Variants in DSCAM observed in about 807,000 individuals in gnomAD.
DSCAM encodes DS cell adhesion molecule.
DSCAM carries 47 observed loss-of-function variants against 217.7 expected under a neutral mutation model. That is an observed-to-expected ratio of 0.22 (90% CI 0.17 to 0.28). The LOEUF is 0.28. Ranked by LOEUF, DSCAM falls within the 10% of genes least tolerant of loss-of-function variation. The pLI is 1.00. For synonymous variants in DSCAM, 1,056 were observed against 1,015.3 expected (o/e 1.04, Z -0.76); for missense variants, 2,080 against 2,618.3 (o/e 0.79, Z 4.49).
chr21:40,382,384 G>A (rs1235433118), intron 3 of DSCAM, among the ~76,000 whole-genome samples: 5 of 152,074 alleles, frequency 3.3e-5, no homozygotes, highest in Non-Finnish European at 7.4e-5. Context: ...CCTTGGACAT[G>A]ACACATTTTT....
chr21:40,548,300 C>G (rs2076600157), intron 3 of DSCAM, among the ~76,000 whole-genome samples: 1 of 152,110 alleles, frequency 6.6e-6, no homozygotes, highest in Non-Finnish European at 1.5e-5. Flanking sequence ...ACCGCCCTCC[C>G]CATGGGGCCA....
chr21:40,401,748 C>G (rs1380899466), intron 3 of DSCAM, among the ~76,000 whole-genome samples: 2 of 150,150 alleles, frequency 1.3e-5, no homozygotes, highest in African/African-American at 5.0e-5. Context: ...CAGCCATGTT[C>G]CCACCAGGGT....
chr21:40,522,083 T>C (rs1329266482), intron 3 of DSCAM, among the ~76,000 whole-genome samples: 1 of 152,088 alleles, frequency 6.6e-6, no homozygotes, highest in Non-Finnish European at 1.5e-5. Flanking sequence ...AAAATGTCAA[T>C]GGGTTGAGGT....
intron 3 of DSCAM, among the ~76,000 whole-genome samples, chr21:40,579,827 C>A (rs200973682): frequency 6.6e-6 from 1 of 150,870 alleles, no homozygotes; most frequent in African/African-American, 2.4e-5. Context: ...AGACCTTCAC[C>A]ACAAAAAAAA....
intron 3 of DSCAM, among the ~76,000 whole-genome samples, chr21:40,620,378 G>GAGAAAGAGAGAAAAAA (rs1179636268): frequency 1.1e-5 from 1 of 88,668 alleles, no homozygotes; most frequent in African/African-American, 3.5e-5. Context: ...AAGAAAGAAA[G>GAGAAAGAGAGAAAAAA]AAAGAAAGAG....
chr21:40,214,099 G>A (rs2091215023), intron 11 of DSCAM, among the ~76,000 whole-genome samples: 1 of 152,358 alleles, frequency 6.6e-6, no homozygotes, highest in East Asian at 1.9e-4. Context: ...TGATACCTGG[G>A]TGTAGAGAAC....
At chr21:40,074,977 T>C in intron 27 of DSCAM, 60 bp downstream of exon 27, 2 of 1,570,486 alleles carry the variant, frequency 1.3e-6, no homozygotes, top group Non-Finnish European at 1.7e-6. Flanking sequence ...CTGGCATCTC[T>C]CCCATTGGCT....
At chr21:40,305,761 G>A (rs2074066661) in intron 9 of DSCAM, among the ~76,000 whole-genome samples, 1 of 152,102 alleles carries the variant, frequency 6.6e-6, no homozygotes. Context: ...TAGATATGTG[G>A]CGTTATTTCT....
At chr21:40,288,718 G>A (rs2073856297) in intron 10 of DSCAM, among the ~76,000 whole-genome samples, 1 of 152,180 alleles carries the variant, frequency 6.6e-6, no homozygotes, top group African/African-American at 2.4e-5. Flanking sequence ...TCATGATAAT[G>A]GCAATAATGA....
intron 3 of DSCAM, among the ~76,000 whole-genome samples, chr21:40,508,760 TATATATATATATA>T (rs2076232457): frequency 2.0e-4 from 1 of 5,086 alleles, no homozygotes; most frequent in Non-Finnish European, 3.5e-4. Context: ...TATATATATA[TATATATATATATA>T]TATATATATA....
At chr21:40,094,275 G>A (rs1016304349) in intron 20 of DSCAM, among the ~76,000 whole-genome samples, 4 of 152,140 alleles carry the variant, frequency 2.6e-5, no homozygotes, top group Admixed American at 6.5e-5. Context: ...GATGGGAAAC[G>A]AATGAAGAAA....
At chr21:40,470,245 G>A (rs557001008) in intron 3 of DSCAM, among the ~76,000 whole-genome samples, 31 of 152,324 alleles carry the variant, frequency 2.0e-4, no homozygotes, top group South Asian at 2.1e-4. Flanking sequence ...CAGTAACTAC[G>A]ACTAAAACCA....
chr21:40,760,441 C>T (rs181768217), intron 1 of DSCAM, among the ~76,000 whole-genome samples: 2 of 152,324 alleles, frequency 1.3e-5, no homozygotes, highest in East Asian at 3.9e-4. Flanking sequence ...ACAGGAGCCA[C>T]AGGTCATACT....
intron 6 of DSCAM, among the ~76,000 whole-genome samples, chr21:40,342,043 G>T (rs982031828): frequency 4.6e-5 from 7 of 152,094 alleles, no homozygotes; most frequent in African/African-American, 1.7e-4. Context: ...CAGAAATACC[G>T]TGGAAGGCAC....
chr21:40,423,649 CT>C (rs2075445745), intron 3 of DSCAM, among the ~76,000 whole-genome samples: 1 of 152,192 alleles, frequency 6.6e-6, no homozygotes, highest in Admixed American at 6.5e-5. Context: ...TGCTCTGAAA[CT>C]TGCCTCAGTC....
At chr21:40,688,023 T>C (rs1356398228) in intron 3 of DSCAM, among the ~76,000 whole-genome samples, 1 of 152,134 alleles carries the variant, frequency 6.6e-6, no homozygotes, top group East Asian at 1.9e-4. Context: ...TTAGCCAAAA[T>C]ACAGAAAGAA....
intron 3 of DSCAM, among the ~76,000 whole-genome samples, chr21:40,610,290 C>T (rs531088473): frequency 3.9e-5 from 6 of 152,296 alleles, no homozygotes; most frequent in East Asian, 1.9e-4. Flanking sequence ...CCCTCCATCT[C>T]GGACACTGCA....
intron 32 of DSCAM, among the ~76,000 whole-genome samples, chr21:40,035,451 A>G (rs2088600981): frequency 7.8e-6 from 1 of 128,360 alleles, no homozygotes; most frequent in Non-Finnish European, 1.6e-5. Flanking sequence ...GATCAATTCA[A>G]CAAGAAGAGC....
At chr21:40,639,075 AT>A (rs3070826) in intron 3 of DSCAM, among the ~76,000 whole-genome samples, 43,246 of 145,798 alleles carry the variant, frequency 0.3, 6,307 homozygotes, top group East Asian at 0.53. Context: ...AATATCCTGC[AT>A]TTTTTTTTTT....
Sources: allele counts gnomAD v4.1 joint callset (sites outside exome capture counted in the v4.1 genomes callset), GRCh38; gene constraint gnomAD v4.1.1; transcripts MANE v1.5; gene names NCBI Gene and HGNC (gene_info 2026-07-23, HGNC 2026-07-21).